Variants in ELMO1 observed in about 807,000 individuals in gnomAD.
ELMO1 encodes engulfment and cell motility 1, also known as engulfment and cell motility protein 1.
ELMO1 carries 26 observed loss-of-function variants against 98.9 expected under a neutral mutation model. The observed-to-expected ratio is 0.26, with a 90% CI of 0.19 to 0.36. ELMO1 has a LOEUF of 0.36. ELMO1 is among the 10% of genes least tolerant of loss of function. The pLI is 1.00. For synonymous variants in ELMO1, 346 were observed against 346.0 expected (o/e 1.00, Z 0.00); for missense variants, 627 against 935.2 (o/e 0.67, Z 4.30).
chr7:36,993,123 A>G (rs908246805), intron 16 of ELMO1, among the ~76,000 whole-genome samples: 84 of 152,338 alleles, frequency 5.5e-4, no homozygotes, highest in Middle Eastern at 3.4e-3. Flanking sequence ...AAGGCAGTCA[A>G]TTCCAGGGAG....
intron 1 of ELMO1, among the ~76,000 whole-genome samples, chr7:37,440,385 T>C (rs1805355511): frequency 6.7e-6 from 1 of 148,900 alleles, no homozygotes; most frequent in African/African-American, 2.5e-5. Flanking sequence ...GAGGTTACAG[T>C]GAGCCACGAT....
intron 1 of ELMO1, among the ~76,000 whole-genome samples, chr7:37,407,750 C>G (rs770885702): frequency 4.6e-5 from 7 of 152,078 alleles, no homozygotes; most frequent in Non-Finnish European, 8.8e-5. Flanking sequence ...GGTGGATAAA[C>G]GGCATTATGC....
chr7:37,213,139 G>A (rs1164858375), intron 12 of ELMO1, among the ~76,000 whole-genome samples, 196 bp downstream of exon 12: 1 of 152,242 alleles, frequency 6.6e-6, no homozygotes. Context: ...GGAGCCTAAT[G>A]GAAGAATGCA....
At chr7:37,171,928 TG>T (rs1790194689) in intron 13 of ELMO1, among the ~76,000 whole-genome samples, 1 of 152,212 alleles carries the variant, frequency 6.6e-6, no homozygotes, top group South Asian at 2.1e-4. Context: ...TTCACCAAGT[TG>T]GGTCTTTTGT....
intron 16 of ELMO1, among the ~76,000 whole-genome samples, chr7:36,979,965 G>A (rs1790906813): frequency 6.6e-6 from 1 of 152,174 alleles, no homozygotes; most frequent in South Asian, 2.1e-4. Context: ...TTCCAACCAA[G>A]TTGGAAAGAA....
At chr7:37,044,020 G>A (rs557783238) in intron 15 of ELMO1, among the ~76,000 whole-genome samples, 25 of 152,216 alleles carry the variant, frequency 1.6e-4, no homozygotes, top group Admixed American at 1.4e-3. Flanking sequence ...CGAGGAGGAG[G>A]GTGAAGCATG....
intron 14 of ELMO1, among the ~76,000 whole-genome samples, chr7:37,126,274 T>C (rs187492099): frequency 9.9e-4 from 145 of 146,138 alleles, no homozygotes; most frequent in Admixed American, 7.4e-3. Flanking sequence ...TGTGCACATG[T>C]ACCCTAGAAC....
At chr7:37,407,138 A>G (rs1217842010) in intron 1 of ELMO1, among the ~76,000 whole-genome samples, 1 of 152,224 alleles carries the variant, frequency 6.6e-6, no homozygotes, top group South Asian at 2.1e-4. Context: ...TCAACAGGTG[A>G]GTGAATAAAC....
intron 13 of ELMO1, among the ~76,000 whole-genome samples, chr7:37,149,386 G>T (rs934982037): frequency 6.6e-6 from 1 of 152,196 alleles, no homozygotes; most frequent in African/African-American, 2.4e-5. Context: ...GCCAAGTACT[G>T]CTCTAAGCCA....
intron 1 of ELMO1, among the ~76,000 whole-genome samples, chr7:37,436,596 T>C (rs917253646): frequency 3.3e-5 from 5 of 152,222 alleles, no homozygotes; most frequent in Non-Finnish European, 7.3e-5. Flanking sequence ...ACCCACTCCT[T>C]AAAAGCTGTT....
At chr7:37,115,450 A>G (rs1435953385) in intron 14 of ELMO1, among the ~76,000 whole-genome samples, 2 of 152,222 alleles carry the variant, frequency 1.3e-5, no homozygotes, top group South Asian at 2.1e-4. Flanking sequence ...ACATTCAAAA[A>G]TCAGTTAATG....
intron 4 of ELMO1, among the ~76,000 whole-genome samples, chr7:37,312,890 T>A (rs1474059363): frequency 6.6e-6 from 1 of 152,214 alleles, no homozygotes; most frequent in Non-Finnish European, 1.5e-5. Context: ...ACAGGAGATA[T>A]ACTCTGACCT....
rs115223145 is a variant in ELMO1, at chr7:37,146,684, A to T, written c.1087-13450T>A. Among the ~76,000 whole-genome samples the T allele has an allele frequency of 7.0e-3, 1,068 of 152,284 alleles. 12 individuals are homozygous for T. The highest frequency in any genetic ancestry group is 0.023 in the African/African-American group (974 of 41,564). On this transcript the variant is annotated intron_variant, in intron 13 of 21. Transcript: ENST00000310758. Reference sequence around the variant, plus strand: ...GATTCTGCTGTTGGTCCCTCTCCATATGTAACAGGAATTTATTAATAAGAA... The same window carrying T: ...GATTCTGCTGTTGGTCCCTCTCCATTTGTAACAGGAATTTATTAATAAGAA...
At chr7:36,917,620 A>G (rs1039432303) in intron 16 of ELMO1, among the ~76,000 whole-genome samples, 2 of 152,240 alleles carry the variant, frequency 1.3e-5, no homozygotes, top group African/African-American at 4.8e-5. Context: ...AAAATTCAAA[A>G]GGTGGTTCAT....
chr7:36,894,410 C>CGAGT (rs1297204606), intron 17 of ELMO1, among the ~76,000 whole-genome samples: 1 of 152,190 alleles, frequency 6.6e-6, no homozygotes, highest in Admixed American at 6.5e-5. Context: ...CTCTCAAGCT[C>CGAGT]TCACTCCCAC....
At chr7:37,113,052 C>A (rs963179483) in intron 14 of ELMO1, among the ~76,000 whole-genome samples, 2 of 152,238 alleles carry the variant, frequency 1.3e-5, no homozygotes, top group African/African-American at 4.8e-5. Flanking sequence ...CATTTTGGGG[C>A]ATACCGATAT....
chr7:37,149,514 T>C (rs537597178), intron 13 of ELMO1, among the ~76,000 whole-genome samples: 19 of 152,342 alleles, frequency 1.2e-4, no homozygotes, highest in African/African-American at 4.3e-4. Flanking sequence ...ATCTGTGATG[T>C]GAAAATGACA....
intron 15 of ELMO1, among the ~76,000 whole-genome samples, chr7:37,081,368 T>A (rs1797857628): frequency 6.6e-6 from 1 of 152,176 alleles, no homozygotes; most frequent in African/African-American, 2.4e-5. Flanking sequence ...GTGAAAAGAA[T>A]CAGGATATAA....
intron 19 of ELMO1, among the ~76,000 whole-genome samples, chr7:36,877,464 T>C (rs1020134299): frequency 2.0e-5 from 3 of 152,084 alleles, no homozygotes; most frequent in Non-Finnish European, 2.9e-5. Flanking sequence ...AGACAACATA[T>C]AGAAAAAGCC....
Sources: gnomAD v4.1 joint callset for allele counts (sites outside exome capture counted in the v4.1 genomes callset) on GRCh38, gnomAD v4.1.1 for gene constraint, MANE v1.5 for transcripts, NCBI Gene and HGNC (gene_info 2026-07-23, HGNC 2026-07-21) for gene names.